LRRC7: variants seen among roughly 807,000 people sequenced by gnomAD.
LRRC7 encodes leucine rich repeat containing 7.
LRRC7 carries 23 observed loss-of-function variants against 175.7 expected under a neutral mutation model. That is an observed-to-expected ratio of 0.13 (90% CI 0.09 to 0.19). LRRC7 has a LOEUF of 0.19. LRRC7 is among the 10% of genes least tolerant of loss of function. The pLI, the probability that LRRC7 is intolerant of heterozygous loss-of-function variation, is 1.00. For missense variants in LRRC7, 1,354 were observed against 1,904.7 expected (o/e 0.71, Z 5.38); for synonymous variants, 685 against 680.9 (o/e 1.01, Z -0.09).
At chr1:69,758,225 T>A (rs1670647137) in intron 2 of LRRC7, among the ~76,000 whole-genome samples, 1 of 152,006 alleles carries the variant, frequency 6.6e-6, no homozygotes. Flanking sequence ...AAAACAATAG[T>A]TACAAAATCT....
chr1:69,695,866 C>G (rs752385467), intron 2 of LRRC7, among the ~76,000 whole-genome samples: 6 of 152,206 alleles, frequency 3.9e-5, no homozygotes, highest in Non-Finnish European at 5.9e-5. Context: ...ATGAAGGAAG[C>G]TTAGCAGCTT....
intron 9 of LRRC7, among the ~76,000 whole-genome samples, chr1:69,985,932 C>T (rs1475594742): frequency 2.0e-5 from 3 of 152,044 alleles, no homozygotes; most frequent in Non-Finnish European, 4.4e-5. Context: ...AATAATGCAT[C>T]TGTGACCATT....
chr1:70,000,521 C>T (rs578053704), intron 11 of LRRC7, among the ~76,000 whole-genome samples: 16 of 152,290 alleles, frequency 1.1e-4, no homozygotes, highest in South Asian at 4.1e-4. Flanking sequence ...CATTAAGTGA[C>T]GCATGACTGT....
rs191416813 is a variant in LRRC7, at chr1:69,770,295, C to T, written c.303+9902C>T. On this transcript the variant is annotated intron_variant, in intron 3 of 26. Transcript: ENST00000651989. ...TATTATATGCTTTCAATCGATGCTTCGTTTCATTCACTGATATTTGTAACT... is the reference window on the plus strand; with the variant it reads ...TATTATATGCTTTCAATCGATGCTTTGTTTCATTCACTGATATTTGTAACT... 4.5e-4 allele frequency among the ~76,000 whole-genome samples: 69 copies of T among 152,246 alleles called. No homozygotes were observed. The Middle Eastern group carries it at 0.01, about 23-fold the overall frequency.
chr1:69,897,787 A>G (rs750575932), intron 7 of LRRC7, among the ~76,000 whole-genome samples: 10 of 152,240 alleles, frequency 6.6e-5, no homozygotes, highest in Non-Finnish European at 1.3e-4. Flanking sequence ...ACGATTGAAC[A>G]TGCCATGTCA....
chr1:69,959,175 T>C (rs765526991), intron 8 of LRRC7, among the ~76,000 whole-genome samples: 2 of 152,124 alleles, frequency 1.3e-5, no homozygotes, highest in African/African-American at 2.4e-5. Flanking sequence ...ACTGTGATTT[T>C]CTCCAACAAA....
chr1:69,647,091 A>C (rs1375907166), intron 1 of LRRC7, among the ~76,000 whole-genome samples: 2 of 152,184 alleles, frequency 1.3e-5, no homozygotes, highest in Non-Finnish European at 2.9e-5. Context: ...GGCACAAACC[A>C]AAAGATTCCT....
chr1:69,612,413 A>C (rs763776899), intron 1 of LRRC7, among the ~76,000 whole-genome samples: 14 of 152,028 alleles, frequency 9.2e-5, no homozygotes, highest in Non-Finnish European at 1.9e-4. Context: ...AATTAAAGAC[A>C]ATTAGGTTAC....
At chr1:69,794,302 A>G (rs1329074625) in intron 4 of LRRC7, among the ~76,000 whole-genome samples, 1 of 152,166 alleles carries the variant, frequency 6.6e-6, no homozygotes, top group Non-Finnish European at 1.5e-5. Flanking sequence ...TAAAGAGAGT[A>G]TTTCATCTGA....
At chr1:69,891,671 G>A (rs573393536) in intron 7 of LRRC7, among the ~76,000 whole-genome samples, 4 of 152,132 alleles carry the variant, frequency 2.6e-5, no homozygotes, top group Admixed American at 6.5e-5. Flanking sequence ...GGTGGAAGTT[G>A]CAGTGAGCCG....
At chr1:69,589,810 A>G (rs949509995) in intron 1 of LRRC7, among the ~76,000 whole-genome samples, 3 of 152,154 alleles carry the variant, frequency 2.0e-5, no homozygotes, top group African/African-American at 7.2e-5. Context: ...ATACTACATC[A>G]ACCACTCTTT....
chr1:69,784,865 T>C (rs115045806), intron 3 of LRRC7, among the ~76,000 whole-genome samples: 2,776 of 152,314 alleles, frequency 0.018, 41 homozygotes, highest in Non-Finnish European at 0.029. Context: ...TAAATGTTTT[T>C]AAAGTTATTT....
chr1:70,058,732 G>T (rs1305340684), intron 23 of LRRC7, among the ~76,000 whole-genome samples: 1 of 152,002 alleles, frequency 6.6e-6, no homozygotes, highest in African/African-American at 2.4e-5. Flanking sequence ...AGCTCACCTG[G>T]GTAACTTATC....
At chr1:69,867,757 A>G (rs11209566) in intron 7 of LRRC7, among the ~76,000 whole-genome samples, 7,908 of 152,214 alleles carry the variant, frequency 0.052, 255 homozygotes, top group East Asian at 0.15. Context: ...ATCAAGGATA[A>G]CACACTGGTT....
intron 2 of LRRC7, among the ~76,000 whole-genome samples, chr1:69,718,535 T>C (rs1211410793): frequency 2.6e-5 from 4 of 151,756 alleles, no homozygotes; most frequent in African/African-American, 7.2e-5. Context: ...ACTGGAGCTC[T>C]GGGATTGGAT....
chr1:69,917,217 T>TTG (rs771363961), intron 7 of LRRC7, among the ~76,000 whole-genome samples: 1 of 152,212 alleles, frequency 6.6e-6, no homozygotes, highest in African/African-American at 2.4e-5. Flanking sequence ...ATAGTTAGCA[T>TTG]TACTGATGGA....
rs185869817 is a variant in LRRC7, at chr1:69,769,664, C to T, written c.303+9271C>T. On this transcript the variant is annotated intron_variant, in intron 3 of 26. Coordinates refer to ENST00000651989, the MANE Select transcript of LRRC7 (RefSeq NM_001370785.2). ...CTGAAAAGAAAATTGAAATCCAAAA[C>T]ACTCTGGTTCCAAGTATAAGGGATA... Among the ~76,000 whole-genome samples the T allele has an allele frequency of 3.3e-5, 5 of 152,250 alleles. No homozygotes were observed. The South Asian group carries it at 8.3e-4, about 25-fold the overall frequency.
intron 1 of LRRC7, among the ~76,000 whole-genome samples, chr1:69,604,698 A>T (rs1429744017): frequency 6.7e-6 from 1 of 150,220 alleles, no homozygotes; most frequent in African/African-American, 2.4e-5. Flanking sequence ...TAAATATACC[A>T]TTTTTTTTTC....
At chr1:69,927,805 A>C (rs1297255230) in intron 7 of LRRC7, among the ~76,000 whole-genome samples, 2 of 152,126 alleles carry the variant, frequency 1.3e-5, no homozygotes, top group African/African-American at 2.4e-5. Flanking sequence ...TCTTCTCTCA[A>C]CTCATCAAAG....
Sources: allele counts gnomAD v4.1 joint callset (sites outside exome capture counted in the v4.1 genomes callset), GRCh38; gene constraint gnomAD v4.1.1; transcripts MANE v1.5; gene names NCBI Gene and HGNC (gene_info 2026-07-23, HGNC 2026-07-21).